AGBL1: variants seen among roughly 807,000 people sequenced by gnomAD.
The protein encoded by AGBL1 is AGBL carboxypeptidase 1, also known as cytosolic carboxypeptidase 4.
A neutral mutation model predicts 118.9 loss-of-function variants in AGBL1; 130 were observed. That is an observed-to-expected ratio of 1.09 (90% CI 0.95 to 1.26). The LOEUF (loss-of-function observed/expected upper bound fraction) is 1.26. AGBL1 is among the 50% of genes most tolerant of loss of function. AGBL1 has a pLI of 0.00. For missense variants in AGBL1, 1,584 were observed against 1,298.1 expected (o/e 1.22, Z -3.38); for synonymous variants, 555 against 478.9 (o/e 1.16, Z -2.08).
In AGBL1 at chr15:86,554,537, G is replaced by C. The variant is rs1365500189; in HGVS notation, c.2994G>C (p.Gln998His). 2.7e-6 allele frequency: 4 copies of C among 1,501,424 alleles called. No homozygotes were observed. Among genetic ancestry groups the C allele is most frequent in the Non-Finnish European group, 2.7e-6 (3 of 1,127,210 alleles). The allele number at this position is 1,501,424 out of a possible 1,614,324, so 93.0% of individuals were successfully genotyped here. A position where few individuals can be genotyped will look rare whatever the true frequency, so the allele number is the denominator to read the frequency against. ...SYCGCNQGPY[Q>H]GLQFGTRELE... ...GTGGCTGCAACCAGGGCCCTTATCAGGTATGTGAGGCTGCAGGACACCCAT... is the reference window on the plus strand; with the variant it reads ...GTGGCTGCAACCAGGGCCCTTATCACGTATGTGAGGCTGCAGGACACCCAT... Residue 998 changes from glutamine (Q) to histidine (H), a missense_variant and splice_region_variant, in exon 21 of 23, where the codon CAG becomes CAC. Physicochemically the swap from Gln to His is conservative, Grantham distance 24. Coordinates refer to ENST00000614907, the MANE Select transcript of AGBL1 (RefSeq NM_001386094.1).
chr15:86,686,600 G>C (rs954712010), intron 22 of AGBL1, among the ~76,000 whole-genome samples: 1 of 151,878 alleles, frequency 6.6e-6, no homozygotes, highest in African/African-American at 2.4e-5. Context: ...ACCACGCCCA[G>C]CTAATTTTTT....
chr15:86,100,470 A>T (rs1896647789), intron 1 of AGBL1, among the ~76,000 whole-genome samples: 1 of 152,032 alleles, frequency 6.6e-6, no homozygotes, highest in Non-Finnish European at 1.5e-5. Flanking sequence ...GATGGGAGAA[A>T]GAAAAACCCA....
intron 24 of AGBL1, among the ~76,000 whole-genome samples, chr15:86,988,584 A>G (rs1337925646): frequency 1.3e-5 from 2 of 152,160 alleles, no homozygotes; most frequent in Non-Finnish European, 2.9e-5. Context: ...ACCTTTCTTA[A>G]TGCTATTACA....
At chr15:86,426,868 TG>T (rs1410303264) in intron 18 of AGBL1, among the ~76,000 whole-genome samples, 22 of 152,140 alleles carry the variant, frequency 1.4e-4, no homozygotes, top group Admixed American at 4.6e-4. Context: ...CCTTTTCAAG[TG>T]TTTCTCCTGC....
At chr15:86,860,911 C>G (rs1383174556) in intron 22 of AGBL1, among the ~76,000 whole-genome samples, 1 of 152,000 alleles carries the variant, frequency 6.6e-6, no homozygotes. Context: ...TTTACCTACC[C>G]CTTGGCTTCT....
chr15:87,004,279 A>C (rs2081473166), intron 24 of AGBL1, among the ~76,000 whole-genome samples: 1 of 152,020 alleles, frequency 6.6e-6, no homozygotes, highest in Non-Finnish European at 1.5e-5. Context: ...AGTGGTTTTG[A>C]CAGTGGGGTG....
chr15:86,702,675 C>A lies in AGBL1; in HGVS notation c.3158+28239C>A, dbSNP rs77087995. Among the ~76,000 whole-genome samples the A allele has an allele frequency of 1.7e-3, 266 of 152,248 alleles. 4 individuals are homozygous for A. In the East Asian group the frequency reaches 0.022, roughly 12 times the overall value. On this transcript the variant is annotated intron_variant, in intron 22 of 22. Transcript: ENST00000614907. ...AACAAGTAGTACATTTCTCTCTCCA[C>A]CTTTAAACTCTTTTCTCCCTTTATT...
At chr15:86,937,918 C>T (rs1252137166) in intron 23 of AGBL1, among the ~76,000 whole-genome samples, 1 of 152,168 alleles carries the variant, frequency 6.6e-6, no homozygotes, top group African/African-American at 2.4e-5. Flanking sequence ...CATGCAGGGA[C>T]CTCAAAGTAG....
chr15:86,555,671 T>C (rs6496345), intron 21 of AGBL1, among the ~76,000 whole-genome samples: 98,519 of 151,964 alleles, frequency 0.65, 33,626 homozygotes, highest in East Asian at 0.89. Flanking sequence ...ATTGGATGAG[T>C]CTGAGATTGG....
At position 86,288,557 on chromosome 15, in the gene AGBL1, T is replaced by G. The variant is rs907114581; in HGVS notation, c.2221-6698T>G. ...CATTTTTATTTAAGTCTAATTTCAT[T>G]TAATTGTCAGAAAATGTGATTTGTA... On this transcript the variant is annotated intron_variant, in intron 16 of 22. Transcript: ENST00000614907. Among the ~76,000 whole-genome samples, 7 of 152,164 alleles carry G rather than the reference T, an allele frequency of 4.6e-5. 1 individual carries two copies. Among genetic ancestry groups the G allele is most frequent in the Admixed American group, 3.3e-4 (5 of 15,264 alleles).
intron 16 of AGBL1, 39 bp downstream of exon 16, chr15:86,279,822 A>AG (rs1390770196): frequency 6.2e-7 from 1 of 1,606,696 alleles, no homozygotes; most frequent in South Asian, 1.1e-5. Flanking sequence ...GCAGGACTGA[A>AG]GGGGCTCTCT....
chr15:86,786,559 C>G (rs1351224732), intron 22 of AGBL1, among the ~76,000 whole-genome samples: 6 of 152,158 alleles, frequency 3.9e-5, no homozygotes, highest in Admixed American at 3.3e-4. Flanking sequence ...TGGTTATCCT[C>G]TCTATACCCA....
chr15:86,127,659 T>C lies in AGBL1; in HGVS notation c.52-14345T>C, dbSNP rs563079191. Among the ~76,000 whole-genome samples, 18 of 152,358 alleles carry C rather than the reference T, an allele frequency of 1.2e-4. No individual in the cohort carries two copies. In the South Asian group the frequency reaches 3.7e-3, roughly 32 times the overall value. ...TATCTTCCAGAGCCATTTCTTCTTC[T>C]TCTTTTAACACAACAGCTGGGCTAC... On this transcript the variant is annotated intron_variant, in intron 1 of 22. Coordinates refer to ENST00000614907, the MANE Select transcript of AGBL1 (RefSeq NM_001386094.1).
intron 1 of AGBL1, among the ~76,000 whole-genome samples, chr15:86,117,466 C>T (rs1171799269): frequency 2.0e-5 from 3 of 152,108 alleles, no homozygotes; most frequent in African/African-American, 7.2e-5. Context: ...TTGTGTTGAG[C>T]AAGTTTTGTA....
intron 9 of AGBL1, among the ~76,000 whole-genome samples, chr15:86,262,122 C>CCTCCTTATGAGTCCTCCTGAGAT (rs1158783990): frequency 4.8e-5 from 4 of 82,904 alleles, no homozygotes; most frequent in African/African-American, 1.6e-4. Context: ...TAAAACTTTA[C>CCTCCTTATGAGTCCTCCTGAGAT]CTCCTTATGA....
chr15:86,106,131 A>G (rs1190408947), intron 1 of AGBL1, among the ~76,000 whole-genome samples: 1 of 152,258 alleles, frequency 6.6e-6, no homozygotes, highest in Non-Finnish European at 1.5e-5. Flanking sequence ...CCTCTCTGGT[A>G]TGATATAACC....
At chr15:86,836,052 T>A (rs778301229) in intron 22 of AGBL1, among the ~76,000 whole-genome samples, 16 of 152,346 alleles carry the variant, frequency 1.1e-4, no homozygotes, top group Non-Finnish European at 4.4e-5. Flanking sequence ...TTATTTATAT[T>A]CTGCAGTCTT....
intron 23 of AGBL1, among the ~76,000 whole-genome samples, chr15:86,950,323 A>C (rs1021405905): frequency 6.6e-6 from 1 of 151,488 alleles, no homozygotes; most frequent in Non-Finnish European, 1.5e-5. Flanking sequence ...CAAATGTAAA[A>C]TAAAATAATA....
At chr15:86,618,021 C>A (rs1039538660) in intron 21 of AGBL1, among the ~76,000 whole-genome samples, 6 of 152,124 alleles carry the variant, frequency 3.9e-5, no homozygotes, top group Admixed American at 3.9e-4. Context: ...GGGCTTCCCA[C>A]TATATTATAC....
Sources: allele counts gnomAD v4.1 joint callset (sites outside exome capture counted in the v4.1 genomes callset), GRCh38; gene constraint gnomAD v4.1.1; transcripts MANE v1.5; gene names NCBI Gene and HGNC (gene_info 2026-07-23, HGNC 2026-07-21).